The following LDLRAD4 variants were observed in gnomAD, a reference collection of about 807,000 sequenced individuals.
The protein encoded by LDLRAD4 is low-density lipoprotein receptor class A domain-containing protein 4.
LDLRAD4 carries 5 observed loss-of-function variants against 17.0 expected under a neutral mutation model. The ratio of observed to expected loss-of-function variants is 0.29; its 90% CI spans 0.15 to 0.62. The LOEUF (loss-of-function observed/expected upper bound fraction) is 0.62. Among genes scored for constraint, LDLRAD4 ranks in the 20% least tolerant of loss-of-function variants. LDLRAD4 has a pLI of 0.84. For missense variants in LDLRAD4, 340 were observed against 424.7 expected (o/e 0.80, Z 1.75); for synonymous variants, 168 against 171.8 (o/e 0.98, Z 0.17).
intron 3 of LDLRAD4, chr18:13,516,111 G>A (rs768914076): frequency 2.0e-5 from 3 of 152,256 alleles, no homozygotes; most frequent in Non-Finnish European, 4.4e-5. Flanking sequence ...CATTGCACTC[G>A]GCCTAAGCTG....
chr18:13,364,230 A>T (rs906553929), intron 1 of LDLRAD4, among the ~76,000 whole-genome samples: 3 of 152,214 alleles, frequency 2.0e-5, no homozygotes, highest in Non-Finnish European at 4.4e-5. Flanking sequence ...TGGGGTTACG[A>T]GTATTAATGT....
chr18:13,342,321 T>C (rs1319802666), intron 1 of LDLRAD4, among the ~76,000 whole-genome samples: 2 of 151,998 alleles, frequency 1.3e-5, no homozygotes, highest in African/African-American at 4.8e-5. Context: ...TTAATCCTTC[T>C]TAAATGTTTG....
intron 3 of LDLRAD4, chr18:13,522,688 T>G (rs1406382141): frequency 6.6e-6 from 1 of 152,196 alleles, no homozygotes; most frequent in Non-Finnish European, 1.5e-5. Context: ...ACAAAAGCCA[T>G]ATCTGGAATG....
intron 1 of LDLRAD4, among the ~76,000 whole-genome samples, chr18:13,296,253 A>G (rs1355858596): frequency 6.6e-6 from 1 of 152,252 alleles, no homozygotes; most frequent in Non-Finnish European, 1.5e-5. Flanking sequence ...CTTCTGTATA[A>G]GCTTGTGAGA....
intron 3 of LDLRAD4, chr18:13,612,495 G>T: frequency 2.2e-6 from 3 of 1,348,472 alleles, no homozygotes; most frequent in Non-Finnish European, 2.9e-6. Context: ...CACCTGGGGT[G>T]GGCCCTGCTG....
chr18:13,558,949 G>A (rs1352847274), intron 3 of LDLRAD4, among the ~76,000 whole-genome samples: 2 of 136,666 alleles, frequency 1.5e-5, no homozygotes, highest in Non-Finnish European at 3.1e-5. Context: ...AATCACAGAA[G>A]TGGGAAGCAC....
chr18:13,291,164 C>T (rs529318262), intron 1 of LDLRAD4, among the ~76,000 whole-genome samples: 3 of 152,344 alleles, frequency 2.0e-5, no homozygotes, highest in Non-Finnish European at 2.9e-5. Context: ...CACACATCCA[C>T]GCCGCCTCTC....
chr18:13,496,464 A>G (rs1411149816), intron 3 of LDLRAD4, among the ~76,000 whole-genome samples: 3 of 152,212 alleles, frequency 2.0e-5, no homozygotes, highest in Non-Finnish European at 2.9e-5. Context: ...GATTTTTAAT[A>G]CCATCTTTTC....
chr18:13,596,885 G>T (rs982383907), intron 3 of LDLRAD4, among the ~76,000 whole-genome samples: 2 of 151,976 alleles, frequency 1.3e-5, no homozygotes, highest in African/African-American at 4.8e-5. Context: ...ACATGTTATT[G>T]GGCCAGTGGC....
chr18:13,573,348 GC>G (rs2094719744), intron 3 of LDLRAD4, among the ~76,000 whole-genome samples: 1 of 149,984 alleles, frequency 6.7e-6, no homozygotes, highest in African/African-American at 2.5e-5. Flanking sequence ...CAGGTGTTCT[GC>G]CCACCTCGGC....
At chr18:13,274,466 G>T (rs1222529291), upstream of LDLRAD4, among the ~76,000 whole-genome samples, 2 of 152,220 alleles carry the variant, frequency 1.3e-5, no homozygotes, top group Non-Finnish European at 2.9e-5. Context: ...ATTTGTTGCA[G>T]TTCTCTGCCT....
At chr18:13,562,770 TG>T (rs1035418890) in intron 3 of LDLRAD4, 134 of 152,360 alleles carry the variant, frequency 8.8e-4, no homozygotes, top group African/African-American at 3.2e-3. Context: ...TTGATGAACC[TG>T]GGGGCTATGT....
chr18:13,489,970 T>A (rs985620606), intron 3 of LDLRAD4: 2 of 152,154 alleles, frequency 1.3e-5, no homozygotes, highest in Non-Finnish European at 2.9e-5. Flanking sequence ...TAACTCATGA[T>A]AAAAGGGAAT....
At chr18:13,637,807 A>G (rs1199872681) in intron 4 of LDLRAD4, among the ~76,000 whole-genome samples, 8 of 151,436 alleles carry the variant, frequency 5.3e-5, no homozygotes, top group Admixed American at 5.3e-4. Context: ...CGGAGGTTGC[A>G]GTGAGCCAAG....
intron 4 of LDLRAD4, among the ~76,000 whole-genome samples, chr18:13,623,985 C>T (rs2040884604): frequency 6.6e-6 from 1 of 152,196 alleles, no homozygotes; most frequent in Admixed American, 6.5e-5. Flanking sequence ...GTCTAGGGGA[C>T]ATTTGCAGTG....
intron 3 of LDLRAD4, among the ~76,000 whole-genome samples, chr18:13,458,289 G>A (rs1172728455): frequency 3.3e-5 from 5 of 152,282 alleles, no homozygotes; most frequent in South Asian, 4.1e-4. Flanking sequence ...GAAGTAGAGC[G>A]GCGCGCTGCT....
intron 3 of LDLRAD4, among the ~76,000 whole-genome samples, chr18:13,534,984 C>G (rs546105487): frequency 9.5e-4 from 145 of 152,160 alleles, no homozygotes; most frequent in Non-Finnish European, 1.9e-3. Context: ...TGAGACTCAT[C>G]CATATAATGG....
At chr18:13,408,707 G>A (rs1393133720) in intron 2 of LDLRAD4, among the ~76,000 whole-genome samples, 3 of 151,864 alleles carry the variant, frequency 2.0e-5, no homozygotes, top group African/African-American at 2.4e-5. Flanking sequence ...TCCTGACCTC[G>A]TGATCCACCC....
intron 1 of LDLRAD4, among the ~76,000 whole-genome samples, chr18:13,338,022 A>T (rs74863713): frequency 6.6e-6 from 1 of 152,104 alleles, no homozygotes; most frequent in African/African-American, 2.4e-5. Flanking sequence ...GTTACAGAAA[A>T]TTTTTGTGCC....
Sources: gnomAD v4.1 joint callset for allele counts (sites outside exome capture counted in the v4.1 genomes callset) on GRCh38, gnomAD v4.1.1 for gene constraint, MANE v1.5 for transcripts, NCBI Gene and HGNC (gene_info 2026-07-23, HGNC 2026-07-21) for gene names.